The following CEP290 variants were observed in gnomAD, a reference collection of about 807,000 sequenced individuals.
CEP290 encodes centrosomal protein of 290 kDa.
A neutral mutation model predicts 344.9 loss-of-function variants in CEP290; 317 were observed. That is an observed-to-expected ratio of 0.92 (90% CI 0.84 to 1.01). The LOEUF is 1.01. Among genes scored for constraint, CEP290 ranks in the 50% least tolerant of loss-of-function variants. The pLI is 0.00. For missense variants in CEP290, 2,754 were observed against 2,761.4 expected (o/e 1.00, Z 0.06); for synonymous variants, 932 against 895.8 (o/e 1.04, Z -0.72).
chr12:88,114,891 C>CA (rs1446783986), intron 19 of CEP290, among the ~76,000 whole-genome samples: 2 of 152,132 alleles, frequency 1.3e-5, no homozygotes, highest in East Asian at 3.9e-4. Flanking sequence ...TATATTCTCA[C>CA]AAAAAATTCA....
intron 38 of CEP290, 124 bp downstream of exon 38, chr12:88,080,058 G>T: frequency 1.5e-6 from 1 of 677,346 alleles, no homozygotes; most frequent in Non-Finnish European, 2.5e-6. Context: ...ATAAGATAAA[G>T]CTCATACTTT....
chr12:88,085,183 A>C (rs1257301147), intron 34 of CEP290, among the ~76,000 whole-genome samples: 2 of 152,192 alleles, frequency 1.3e-5, no homozygotes, highest in East Asian at 3.9e-4. Context: ...GTAATAAATT[A>C]TTTCTTTTAT....
intron 17 of CEP290, among the ~76,000 whole-genome samples, chr12:88,117,680 T>C (rs977287315): frequency 4.6e-5 from 7 of 152,162 alleles, no homozygotes; most frequent in Non-Finnish European, 1.0e-4. Context: ...TTAGCTCAAG[T>C]AAAATAAACC....
chr12:88,085,565 T>A (rs978077304), intron 34 of CEP290, among the ~76,000 whole-genome samples: 1 of 152,134 alleles, frequency 6.6e-6, no homozygotes, highest in Non-Finnish European at 1.5e-5. Context: ...ATTTTCTGAA[T>A]AATTTAATGA....
intron 26 of CEP290, among the ~76,000 whole-genome samples, chr12:88,101,627 T>C (rs1173993857): frequency 1.4e-5 from 2 of 144,532 alleles, no homozygotes; most frequent in African/African-American, 2.6e-5. Flanking sequence ...GCCACTGCAC[T>C]CAGCCTGGGT....
intron 40 of CEP290, 59 bp from the exon 41 acceptor site, chr12:88,077,403 T>C: frequency 3.5e-6 from 4 of 1,142,584 alleles, no homozygotes; most frequent in African/African-American, 1.6e-5. Flanking sequence ...AAATAGACAG[T>C]AAATATTTCA....
chr12:88,141,008 T>G lies in CEP290; in HGVS notation c.128A>C (p.Glu43Ala). ...SKVEVNELKSEKQENVIHLFR... is the reference protein window; with the variant it reads ...SKVEVNELKSAKQENVIHLFR... ...AAGGTGTATCACATTTTCTTGCTTTTCACTTTTTAGCTCATTTACTTCCAC... is the reference window on the plus strand; with the variant it reads ...AAGGTGTATCACATTTTCTTGCTTTGCACTTTTTAGCTCATTTACTTCCAC... The change falls in exon 3 of 54, where the codon GAA (glutamate) becomes GCA (alanine). Residue 43 changes from glutamate to alanine, a missense_variant. Coordinates refer to ENST00000552810, the MANE Select transcript of CEP290 (RefSeq NM_025114.4). 1 of 1,590,014 alleles carries G rather than the reference T, an allele frequency of 6.3e-7. No homozygotes were observed. Among genetic ancestry groups the G allele is most frequent in the Non-Finnish European group, 8.5e-7 (1 of 1,170,632 alleles).
At chr12:88,101,107 C>T (rs2037838668) in intron 26 of CEP290, among the ~76,000 whole-genome samples, 1 of 151,858 alleles carries the variant, frequency 6.6e-6, no homozygotes, top group African/African-American at 2.4e-5. Flanking sequence ...GAGATAGAGA[C>T]AGGAATAATG....
chr12:88,111,266 C>A lies in CEP290; in HGVS notation c.2303G>T (p.Gly768Val). Residue 768 changes from glycine (G) to valine (V), a missense_variant, in exon 22 of 54, where the codon GGG (glycine) becomes GTG (valine). Transcript: ENST00000552810. ...VVFKGIDLPD[G>V]IAPSSASIIN... ...GATACTGGCACTAGATGGTGCTATC[C>A]CATCAGGTAAGTCAATTCCTTTAAA... 3 of 1,544,468 alleles carry A rather than the reference C, an allele frequency of 1.9e-6. No homozygotes were observed. In the South Asian group the frequency reaches 3.7e-5, roughly 19 times the overall value.
intron 39 of CEP290, 23 bp downstream of exon 39, chr12:88,079,069 C>G: frequency 1.3e-6 from 2 of 1,526,618 alleles, no homozygotes; most frequent in Non-Finnish European, 1.7e-6. Flanking sequence ...AATTTTGTTA[C>G]ATTAACACGT....
intron 30 of CEP290, among the ~76,000 whole-genome samples, chr12:88,090,527 G>A (rs1267989127): frequency 6.6e-6 from 1 of 152,186 alleles, no homozygotes; most frequent in Non-Finnish European, 1.5e-5. Context: ...CTGTCTAAGA[G>A]GCTGAGGTGG....
chr12:88,135,852 T>C (rs2040327617), intron 6 of CEP290: 2 of 152,092 alleles, frequency 1.3e-5, no homozygotes, highest in Admixed American at 1.3e-4. Context: ...TTACCACATG[T>C]AGGCACCAAA....
chr12:88,088,351 C>T (rs1484946339), intron 31 of CEP290, among the ~76,000 whole-genome samples: 4 of 151,948 alleles, frequency 2.6e-5, no homozygotes, highest in Non-Finnish European at 4.4e-5. Context: ...GAAGATTAAA[C>T]CATATTAAAA....
Position 88,089,326 on chromosome 12 carries a change from T to C in CEP290, c.3735A>G (p.Lys1245=). 6.2e-7 allele frequency: 1 copy of C among 1,613,966 alleles called. No homozygotes were observed. The highest frequency in any genetic ancestry group is 8.5e-7 in the Non-Finnish European group (1 of 1,179,878). The change falls in exon 31 of 54, where the codon AAA becomes AAG. Residue 1245 remains lysine, a synonymous_variant. Coordinates refer to ENST00000552810, the MANE Select transcript of CEP290 (RefSeq NM_025114.4). ...AACGAGCATAATAGAGAGCCTGTTC[T>C]TTTTCATCAAGTTTCTGCTCTAAGC... ...NLRLEQKLDE[K]EQALYYARLE...
chr12:88,111,400 A>G, intron 21 of CEP290, 49 bp from the exon 22 acceptor site: 3 of 1,502,394 alleles, frequency 2.0e-6, no homozygotes, highest in Non-Finnish European at 2.7e-6. Flanking sequence ...ACACCCAAAG[A>G]AAGACAAATT....
chr12:88,060,141 T>C (rs1040451392), intron 47 of CEP290, 121 bp from the exon 48 acceptor site: 13 of 881,998 alleles, frequency 1.5e-5, no homozygotes, highest in Non-Finnish European at 2.0e-5. Context: ...ATGATTAGAA[T>C]TAAAGTCTTC....
chr12:88,133,416 T>G (rs928422707), intron 6 of CEP290, among the ~76,000 whole-genome samples: 7 of 152,148 alleles, frequency 4.6e-5, no homozygotes, highest in African/African-American at 1.7e-4. Context: ...CTGCATAGTA[T>G]TCTATGATGT....
intron 6 of CEP290, among the ~76,000 whole-genome samples, chr12:88,135,463 A>C (rs2040305744): frequency 6.6e-6 from 1 of 152,206 alleles, no homozygotes; most frequent in Non-Finnish European, 1.5e-5. Flanking sequence ...ATTATAAGTT[A>C]GATCCTTGAT....
At chr12:88,077,365 T>C in intron 40 of CEP290, 21 bp from the exon 41 acceptor site, 1 of 1,383,638 alleles carries the variant, frequency 7.2e-7, no homozygotes, top group Non-Finnish European at 9.7e-7. Context: ...AAATGTAACT[T>C]TATATTTTTA....
Sources: allele counts gnomAD v4.1 joint callset (sites outside exome capture counted in the v4.1 genomes callset), GRCh38; gene constraint gnomAD v4.1.1; transcripts MANE v1.5; gene names NCBI Gene and HGNC (gene_info 2026-07-23, HGNC 2026-07-21).